Variants in SLC29A2 observed in about 807,000 individuals in gnomAD.
SLC29A2 encodes the protein solute carrier family 29 member 2.
Under a neutral mutation model 48.8 loss-of-function variants are expected in SLC29A2, and 37 were observed. The observed-to-expected ratio is 0.76, with a 90% CI of 0.58 to 1.00. SLC29A2 has a LOEUF of 1.00. SLC29A2 is among the 50% of genes least tolerant of loss of function. The pLI is 0.00. For synonymous variants in SLC29A2, 233 were observed against 261.7 expected (o/e 0.89, Z 1.06); for missense variants, 533 against 578.6 (o/e 0.92, Z 0.81).
At chr11:66,371,354 G>C (rs1203101599) in intron 1 of SLC29A2, 29 bp from the exon 2 acceptor site, 1 of 1,607,938 alleles carries the variant, frequency 6.2e-7, no homozygotes, top group Non-Finnish European at 8.5e-7. Context: ...AGGTCACCCC[G>C]AGGACGCACC....
intron 10 of SLC29A2, chr11:66,364,700 T>G (rs1026695812): frequency 9.3e-6 from 3 of 324,224 alleles, no homozygotes; most frequent in Non-Finnish European, 1.7e-5. Context: ...TAGAGCCAGG[T>G]TTCATCATGT....
chr11:66,363,751 G>T (rs529941883), intron 11 of SLC29A2: 1 of 596,062 alleles, frequency 1.7e-6, no homozygotes, highest in East Asian at 2.9e-5. Flanking sequence ...AGTCTAACAT[G>T]ATGGGATTCC....
Position 66,371,722 on chromosome 11 carries a change from A to T in SLC29A2, c.-131T>A. On this transcript the variant is annotated 5_prime_UTR_variant, in exon 1 of 12. Transcript: ENST00000357440. ...CCAGATTCCGGTGCAGGGCGGCTGG[A>T]GTCGCACAGGTAGCCTCGGGCGGAT... 1 of 878,806 alleles carries T rather than the reference A, an allele frequency of 1.1e-6. No homozygotes were observed. Among genetic ancestry groups the T allele is most frequent in the Non-Finnish European group, 1.7e-6 (1 of 582,420 alleles). The allele number at this position is 878,806 out of a possible 1,614,324, so 54.4% of individuals were successfully genotyped here.
chr11:66,366,265 G>C, intron 8 of SLC29A2, 34 bp from the exon 9 acceptor site: 2 of 1,601,408 alleles, frequency 1.2e-6, no homozygotes, highest in Non-Finnish European at 8.6e-7. Flanking sequence ...GAGCAGGCAG[G>C]GCAGTCCCAG....
At position 66,362,923 on chromosome 11, in the gene SLC29A2, T is replaced by G; in HGVS notation, c.*513A>C. On this transcript the variant is annotated 3_prime_UTR_variant, in exon 12 of 12. Coordinates refer to ENST00000357440, the MANE Select transcript of SLC29A2 (RefSeq NM_001532.3). ...GAGTGGGTACAGTAAGTGTTGGCAA[T>G]GAAAACACTGCTTGAGGCTGAGCCT... 1 of 206,934 alleles carries G rather than the reference T, an allele frequency of 4.8e-6. No homozygotes were observed. The highest frequency in any genetic ancestry group is 1.0e-5 in the Non-Finnish European group (1 of 100,444). The allele number at this position is 206,934 out of a possible 1,614,324, so 12.8% of individuals were successfully genotyped here.
intron 11 of SLC29A2, 31 bp downstream of exon 11, chr11:66,364,194 C>A: frequency 6.5e-7 from 1 of 1,543,816 alleles, no homozygotes; most frequent in South Asian, 1.2e-5. Context: ...TCCCTACTCC[C>A]AGCCCCCCAC....
chr11:66,363,098 T>A lies in SLC29A2; in HGVS notation c.*338A>T. 2.8e-6 allele frequency: 1 copy of A among 354,520 alleles called. No homozygotes were observed. The highest frequency in any genetic ancestry group is 5.5e-6 in the Non-Finnish European group (1 of 182,050). The allele number at this position is 354,520 out of a possible 1,614,324, so 22.0% of individuals were successfully genotyped here. On this transcript the variant is annotated 3_prime_UTR_variant, in exon 12 of 12. Coordinates refer to ENST00000357440, the MANE Select transcript of SLC29A2 (RefSeq NM_001532.3). The stretch of plus-strand genomic sequence containing the variant: ...GCCCCGCCTCCCACTCTGAACCCTC[T>A]GGTCACCTCTGCTCCTGATGATGAT...
chr11:66,367,506 G>A lies in SLC29A2; in HGVS notation c.691C>T (p.Gln231Ter), dbSNP rs1479781302. ...GCTTTGGTCTCCAGCTCCTGAGCTT[G>A]GGCCTGGGATGATTTATTGGCCAGG... The part of the protein sequence containing the change: ...YYLANKSSQA[Q>*]AQELETKAEL... The change falls in exon 7 of 12, where the codon CAA becomes TAA. Residue 231 changes from glutamine to a stop codon, truncating the protein, a stop_gained. Coordinates refer to ENST00000357440, the MANE Select transcript of SLC29A2 (RefSeq NM_001532.3). LOFTEE classifies it high-confidence loss of function. 1.9e-6 allele frequency: 3 copies of A among 1,614,160 alleles called. No individual in the cohort carries two copies. The highest frequency in any genetic ancestry group is 1.7e-6 in the Non-Finnish European group (2 of 1,180,018).
chr11:66,364,347 G>A lies in SLC29A2; in HGVS notation c.1137C>T (p.His379=), dbSNP rs144983007. Residue 379 remains histidine (H), a synonymous_variant, in exon 11 of 12, where the codon CAC becomes CAT. Coordinates refer to ENST00000357440, the MANE Select transcript of SLC29A2 (RefSeq NM_001532.3). ...TGGGCAGCCGGGACCTCTGGGGCACGTGGCACAGCATGAAGAGGGGCACGA... is the reference window on the plus strand; with the variant it reads ...TGGGCAGCCGGGACCTCTGGGGCACATGGCACAGCATGAAGAGGGGCACGA... ...FLFVPLFMLC[H]VPQRSRLPIL... is the part of the protein sequence containing the mutation. 1.9e-5 allele frequency: 31 copies of A among 1,613,916 alleles called. No individual in the cohort carries two copies. The African/African-American group carries it at 2.1e-4, about 11-fold the overall frequency.
In SLC29A2 at chr11:66,371,547, A is replaced by G; in HGVS notation, c.29+16T>C. On this transcript the variant is annotated intron_variant, in intron 1 of 11. Coordinates refer to ENST00000357440, the MANE Select transcript of SLC29A2 (RefSeq NM_001532.3). ...CAACGCCCCCGGCCACTTGCAACGC[A>G]CCCGGGCCCACTCACCTGTCCCGCG... The G allele has an allele frequency of 6.5e-7, 1 of 1,549,944 alleles. No individual in the cohort carries two copies. The highest frequency in any genetic ancestry group is 8.7e-7 in the Non-Finnish European group (1 of 1,147,438).
chr11:66,370,858 C>CAAAAA (rs35962792), intron 2 of SLC29A2, among the ~76,000 whole-genome samples: 5 of 92,244 alleles, frequency 5.4e-5, no homozygotes, highest in Non-Finnish European at 4.3e-5. Flanking sequence ...GACTCTGTCT[C>CAAAAA]AAAAAAAAAA....
In SLC29A2 at chr11:66,363,522, C is replaced by T; in HGVS notation, c.1285G>A (p.Val429Met). 6.2e-7 allele frequency: 1 copy of T among 1,613,794 alleles called. No individual in the cohort carries two copies. The highest frequency in any genetic ancestry group is 8.5e-7 in the Non-Finnish European group (1 of 1,179,842). Reference protein sequence around the residue: ...PRQVLPHEREVAGALMTFFLA... With the variant: ...PRQVLPHEREMAGALMTFFLA... ...AAGAAGGTCATGAGGGCGCCGGCCA[C>T]CTCCCTCTCGTGTGGCAGCACCTGC... Residue 429 changes from valine (V) to methionine (M), a missense_variant, in exon 12 of 12, where the codon GTG (valine) becomes ATG (methionine). By Grantham distance (21) the Val-to-Met change is conservative. Transcript: ENST00000357440.
upstream of SLC29A2, chr11:66,371,994 C>G: frequency 3.6e-6 from 1 of 280,700 alleles, no homozygotes; most frequent in Non-Finnish European, 6.8e-6. Context: ...GGGGTAGGGA[C>G]GAGGTGTAAC....
chr11:66,366,056 C>T, intron 9 of SLC29A2, 35 bp from the exon 10 acceptor site: 2 of 1,610,420 alleles, frequency 1.2e-6, no homozygotes, highest in South Asian at 2.2e-5. Flanking sequence ...ATACTGGTCT[C>T]CAACTCCCCT....
chr11:66,368,752 CAG>C, intron 4 of SLC29A2, 81 bp from the exon 5 acceptor site: 52 of 1,538,424 alleles, frequency 3.4e-5, no homozygotes, highest in East Asian at 4.9e-5. Context: ...GCAGGATACA[CAG>C]GGGACTCTGG....
chr11:66,371,519 C>T (rs1008906494), intron 1 of SLC29A2, 44 bp downstream of exon 1: 2 of 1,548,762 alleles, frequency 1.3e-6, no homozygotes, highest in Non-Finnish European at 1.7e-6. Context: ...GGGAGCGGGT[C>T]TGCAACGCCC....
chr11:66,368,050 C>T (rs1287021693), intron 5 of SLC29A2, among the ~76,000 whole-genome samples, 181 bp from the exon 6 acceptor site: 1 of 152,220 alleles, frequency 6.6e-6, no homozygotes, highest in Non-Finnish European at 1.5e-5. Flanking sequence ...CTGCACTTCT[C>T]TCACTTTCCC....
chr11:66,363,056 G>A lies in SLC29A2; in HGVS notation c.*380C>T, dbSNP rs3741366. 23 of 302,250 alleles carry A rather than the reference G, an allele frequency of 7.6e-5. No homozygotes were observed. In the East Asian group the frequency reaches 1.7e-3, roughly 22 times the overall value. The allele number at this position is 302,250 out of a possible 1,614,324, so 18.7% of individuals were successfully genotyped here. Reference sequence around the variant, plus strand: ...TGGCTGAGGCCTGGGAAGATGAGGCGCTCCTGGCCTGGGCTGGCCCCGCCT... The same window carrying A: ...TGGCTGAGGCCTGGGAAGATGAGGCACTCCTGGCCTGGGCTGGCCCCGCCT... On this transcript the variant is annotated 3_prime_UTR_variant, in exon 12 of 12. Transcript: ENST00000357440.
chr11:66,362,947 C>A lies in SLC29A2; in HGVS notation c.*489G>T. 1 of 229,538 alleles carries A rather than the reference C, an allele frequency of 4.4e-6. No individual in the cohort carries two copies. The highest frequency in any genetic ancestry group is 8.8e-6 in the Non-Finnish European group (1 of 113,564). 14.2% of individuals were successfully genotyped at this position (229,538 alleles called of 1,614,324 possible). A position where few individuals can be genotyped will look rare whatever the true frequency, so the allele number is the denominator to read the frequency against. The stretch of plus-strand genomic sequence containing the variant: ...ATGAAAACACTGCTTGAGGCTGAGC[C>A]TGGCCCTTTGAGCACCCTCAGGTCC... On this transcript the variant is annotated 3_prime_UTR_variant, in exon 12 of 12. Transcript: ENST00000357440.
Sources: gnomAD v4.1 joint callset for allele counts (sites outside exome capture counted in the v4.1 genomes callset) on GRCh38, gnomAD v4.1.1 for gene constraint, MANE v1.5 for transcripts, NCBI Gene and HGNC (gene_info 2026-07-23, HGNC 2026-07-21) for gene names.